GNAZ: variants seen among roughly 807,000 people sequenced by gnomAD.
GNAZ encodes G protein subunit alpha z, also known as guanine nucleotide-binding protein G(z) subunit alpha.
GNAZ carries 3 observed loss-of-function variants against 25.4 expected under a neutral mutation model. The observed-to-expected ratio is 0.12, with a 90% CI of 0.05 to 0.30. The LOEUF is 0.30. Among genes scored for constraint, GNAZ ranks in the 10% least tolerant of loss-of-function variants. GNAZ has a pLI of 1.00. For missense variants in GNAZ, 241 were observed against 501.8 expected (o/e 0.48, Z 4.97); for synonymous variants, 211 against 205.7 (o/e 1.03, Z -0.22).
chr22:23,081,951 T>C (rs932170258), intron 1 of GNAZ, among the ~76,000 whole-genome samples: 3 of 146,508 alleles, frequency 2.0e-5, no homozygotes, highest in South Asian at 2.3e-4. Flanking sequence ...CAGTGAAACC[T>C]CATCTCTACT....
chr22:23,091,293 A>AACAGGGACCTATGCATAC (rs1181198919), intron 1 of GNAZ, among the ~76,000 whole-genome samples: 1 of 152,046 alleles, frequency 6.6e-6, no homozygotes, highest in Middle Eastern at 3.2e-3. Context: ...CACAGACACA[A>AACAGGGACCTATGCATAC]ACAGGGACCT....
chr22:23,083,729 A>C (rs2068738674), intron 1 of GNAZ, among the ~76,000 whole-genome samples: 1 of 152,146 alleles, frequency 6.6e-6, no homozygotes. Context: ...GAGGCTGAAA[A>C]AGGACCAGTT....
At chr22:23,090,335 C>T (rs1031200876) in intron 1 of GNAZ, among the ~76,000 whole-genome samples, 3 of 152,132 alleles carry the variant, frequency 2.0e-5, no homozygotes, top group African/African-American at 4.8e-5. Flanking sequence ...CACTGTGCAC[C>T]GTACAGCTCA....
Position 23,124,441 on chromosome 22 carries a change from C to A in GNAZ, c.*1010C>A, listed in dbSNP as rs1007652228. On this transcript the variant is annotated 3_prime_UTR_variant, in exon 3 of 3. Transcript: ENST00000615612. Reference sequence around the variant, plus strand: ...GAGTGGCAGTCCTGCGCCAGCCTCGCGGGACACGTGTTGTACATAAGCCTC... The same window carrying A: ...GAGTGGCAGTCCTGCGCCAGCCTCGAGGGACACGTGTTGTACATAAGCCTC... 1 of 469,074 alleles carries A rather than the reference C, an allele frequency of 2.1e-6. No homozygotes were observed. The highest frequency in any genetic ancestry group is 2.0e-5 in the African/African-American group (1 of 50,120). 29.1% of individuals were successfully genotyped at this position (469,074 alleles called of 1,614,324 possible).
Position 23,123,816 on chromosome 22 carries a change from G to C in GNAZ, c.*385G>C, listed in dbSNP as rs1262177641. The C allele has an allele frequency of 4.1e-6, 1 of 241,530 alleles. No individual in the cohort carries two copies. Among genetic ancestry groups the C allele is most frequent in the African/African-American group, 2.2e-5 (1 of 44,672 alleles). 15.0% of individuals were successfully genotyped at this position (241,530 alleles called of 1,614,324 possible). ...TGTTAGGGATAGGCAGCAGGGCTGA[G>C]GCAAGGTAGGCCAACTGCACCCCTG... is the stretch of plus-strand genomic sequence containing the variant. On this transcript the variant is annotated 3_prime_UTR_variant, in exon 3 of 3. Coordinates refer to ENST00000615612, the MANE Select transcript of GNAZ (RefSeq NM_002073.4).
At chr22:23,108,816 C>T (rs1440489209) in intron 2 of GNAZ, among the ~76,000 whole-genome samples, 1 of 152,270 alleles carries the variant, frequency 6.6e-6, no homozygotes, top group Admixed American at 6.5e-5. Context: ...GTGTTAGCAT[C>T]CTCTGCCTGC....
intron 1 of GNAZ, among the ~76,000 whole-genome samples, chr22:23,093,236 T>G (rs985659267): frequency 2.0e-5 from 3 of 152,254 alleles, no homozygotes; most frequent in Non-Finnish European, 4.4e-5. Flanking sequence ...AGTGACTGTT[T>G]AATCACTGCC....
At chr22:23,109,342 C>T (rs1413243208) in intron 2 of GNAZ, among the ~76,000 whole-genome samples, 1 of 152,138 alleles carries the variant, frequency 6.6e-6, no homozygotes, top group African/African-American at 2.4e-5. Flanking sequence ...CCCATGGCCC[C>T]GAGCTCTGCC....
At chr22:23,085,533 C>T (rs185269770) in intron 1 of GNAZ, among the ~76,000 whole-genome samples, 61 of 152,310 alleles carry the variant, frequency 4.0e-4, no homozygotes, top group Non-Finnish European at 6.2e-4. Context: ...GTGGAGGATG[C>T]TCTGCTGAGC....
chr22:23,099,298 G>A (rs556671300), intron 2 of GNAZ, among the ~76,000 whole-genome samples: 383 of 152,374 alleles, frequency 2.5e-3, no homozygotes, highest in Admixed American at 3.8e-3. Context: ...GCATGGCAGC[G>A]AGCCACATGG....
At chr22:23,105,704 T>G (rs942511103) in intron 2 of GNAZ, among the ~76,000 whole-genome samples, 12 of 152,246 alleles carry the variant, frequency 7.9e-5, no homozygotes, top group Non-Finnish European at 7.3e-5. Flanking sequence ...TGTTGACAGC[T>G]TCCAATCTAC....
At chr22:23,090,886 G>A (rs1354159307) in intron 1 of GNAZ, among the ~76,000 whole-genome samples, 2 of 152,158 alleles carry the variant, frequency 1.3e-5, no homozygotes, top group Non-Finnish European at 2.9e-5. Flanking sequence ...ATCTTCATCT[G>A]CCTCATTCAG....
chr22:23,093,282 G>T (rs949008825), intron 1 of GNAZ, among the ~76,000 whole-genome samples: 1 of 152,326 alleles, frequency 6.6e-6, no homozygotes, highest in Middle Eastern at 3.4e-3. Context: ...GTTCCCTGGT[G>T]CACTTCTCAT....
At chr22:23,082,356 C>T (rs918475817) in intron 1 of GNAZ, among the ~76,000 whole-genome samples, 20 of 149,438 alleles carry the variant, frequency 1.3e-4, no homozygotes, top group African/African-American at 2.2e-4. Context: ...GGATTACAGG[C>T]GCACACCACC....
At chr22:23,085,434 G>A (rs1489949118) in intron 1 of GNAZ, among the ~76,000 whole-genome samples, 5 of 152,186 alleles carry the variant, frequency 3.3e-5, no homozygotes, top group Admixed American at 6.5e-5. Flanking sequence ...CAGGTTGAGT[G>A]ACTGATCAGT....
At chr22:23,122,968 T>G (rs2070074549) in intron 2 of GNAZ, 119 bp from the exon 3 acceptor site, 1 of 666,412 alleles carries the variant, frequency 1.5e-6, no homozygotes, top group African/African-American at 1.8e-5. Flanking sequence ...GAGGTGCCAT[T>G]GCAGGGACCA....
intron 2 of GNAZ, among the ~76,000 whole-genome samples, chr22:23,118,484 C>T (rs2069915773): frequency 7.0e-6 from 1 of 143,254 alleles, no homozygotes; most frequent in South Asian, 2.2e-4. Context: ...CCCGCCCCAC[C>T]CCCCGCGGCT....
intron 1 of GNAZ, among the ~76,000 whole-genome samples, chr22:23,073,797 G>A (rs2068437351): frequency 6.6e-6 from 1 of 152,230 alleles, no homozygotes; most frequent in African/African-American, 2.4e-5. Context: ...CACTGTGCCA[G>A]GTGCAGGGGT....
At position 23,084,806 on chromosome 22, in the gene GNAZ, C is replaced by A. The variant is rs569627400; in HGVS notation, c.-449-10441C>A. 2.6e-5 allele frequency among the ~76,000 whole-genome samples: 4 copies of A among 152,316 alleles called. No homozygotes were observed. In the South Asian group the frequency reaches 8.3e-4, roughly 32 times the overall value. ...TGCTGGGAAGGCAGGGAAGTCAGGTCCCTGCTCTCCCAGATGAGTGTGGGC... is the reference window on the plus strand; with the variant it reads ...TGCTGGGAAGGCAGGGAAGTCAGGTACCTGCTCTCCCAGATGAGTGTGGGC... On this transcript the variant is annotated intron_variant, in intron 1 of 2. Transcript: ENST00000615612.
Sources: gnomAD v4.1 joint callset for allele counts (sites outside exome capture counted in the v4.1 genomes callset) on GRCh38, gnomAD v4.1.1 for gene constraint, MANE v1.5 for transcripts, NCBI Gene and HGNC (gene_info 2026-07-23, HGNC 2026-07-21) for gene names.